Variants in QRICH1 observed in about 807,000 individuals in gnomAD.
The protein encoded by QRICH1 is glutamine rich 1, also known as transcriptional regulator QRICH1.
QRICH1 carries 16 observed loss-of-function variants against 87.1 expected under a neutral mutation model. The observed-to-expected ratio is 0.18, with a 90% confidence interval of 0.12 to 0.28. The LOEUF is 0.28. QRICH1 is among the 10% of genes least tolerant of loss of function. The probability of loss-of-function intolerance (pLI) is 1.00; values close to 1 mark genes in which losing one functional copy is unlikely to be tolerated. For missense variants in QRICH1, 647 were observed against 951.7 expected (o/e 0.68, Z 4.21); for synonymous variants, 367 against 368.4 (o/e 1.00, Z 0.05).
intron 2 of QRICH1, among the ~76,000 whole-genome samples, chr3:49,071,847 C>T (rs564040007): frequency 6.6e-6 from 1 of 152,166 alleles, no homozygotes; most frequent in African/African-American, 2.4e-5. Flanking sequence ...AGCAAGCCAC[C>T]ATACCCAGTT....
At position 49,046,452 on chromosome 3, in the gene QRICH1, G is replaced by C. The variant is rs1409845423; in HGVS notation, c.1644C>G (p.Leu548=). 2 of 1,613,958 alleles carry C rather than the reference G, an allele frequency of 1.2e-6. No individual in the cohort carries two copies. The highest frequency in any genetic ancestry group is 1.1e-5 in the South Asian group (1 of 91,036). The part of the protein sequence containing the change: ...GEGEPYDPDV[L]YYIFLCIQKY... Reference sequence around the variant, plus strand: ...TTTGAATACACAGGAAAATATAGTAGAGCACATCTGGGTCATAGGGTTCAC... The same window carrying C: ...TTTGAATACACAGGAAAATATAGTACAGCACATCTGGGTCATAGGGTTCAC... Residue 548 remains leucine, a synonymous_variant, in exon 5 of 10, where the codon CTC becomes CTG. Transcript: ENST00000395443.
intron 1 of QRICH1, among the ~76,000 whole-genome samples, chr3:49,082,342 T>G (rs2042078240): frequency 6.6e-6 from 1 of 152,216 alleles, no homozygotes; most frequent in Admixed American, 6.6e-5. Flanking sequence ...AGAACATATT[T>G]TTTGTCAATC....
chr3:49,090,491 G>T (rs1334336185), intron 1 of QRICH1, among the ~76,000 whole-genome samples: 1 of 150,636 alleles, frequency 6.6e-6, no homozygotes, highest in African/African-American at 2.4e-5. Context: ...AGCCCAGCGT[G>T]GTGGCGGGCA....
At chr3:49,077,161 A>G (rs1354868208) in intron 1 of QRICH1, 123 bp from the exon 2 acceptor site, 1 of 530,388 alleles carries the variant, frequency 1.9e-6, no homozygotes. Context: ...ATCAAAAAAT[A>G]AAGTTTTATT....
At chr3:49,047,479 G>GTTTTTTTTTTTTTTTTTTTTTTTTTTT (rs397724825) in intron 3 of QRICH1, among the ~76,000 whole-genome samples, 1 of 109,086 alleles carries the variant, frequency 9.2e-6, no homozygotes, top group Non-Finnish European at 1.9e-5. Flanking sequence ...ACTTTTAAAT[G>GTTTTTTTTTTTTTTTTTTTTTTTTTTT]TTTTTTTTTT....
intron 2 of QRICH1, among the ~76,000 whole-genome samples, chr3:49,063,841 T>C (rs1222250345): frequency 1.3e-5 from 2 of 152,188 alleles, no homozygotes; most frequent in African/African-American, 4.8e-5. Context: ...CAAAAGAACT[T>C]GTTTACATAG....
At chr3:49,081,283 G>T (rs1176084474) in intron 1 of QRICH1, among the ~76,000 whole-genome samples, 1 of 152,020 alleles carries the variant, frequency 6.6e-6, no homozygotes, top group African/African-American at 2.4e-5. Context: ...CGGGCATGAT[G>T]GCACATTCCT....
chr3:49,067,472 G>T (rs2093475117), intron 2 of QRICH1, among the ~76,000 whole-genome samples: 2 of 151,968 alleles, frequency 1.3e-5, no homozygotes, highest in South Asian at 4.1e-4. Context: ...GGAGGCTGAG[G>T]CAGGAGAATG....
At chr3:49,069,798 G>A (rs917853290) in intron 2 of QRICH1, among the ~76,000 whole-genome samples, 25 of 152,014 alleles carry the variant, frequency 1.6e-4, no homozygotes, top group African/African-American at 5.8e-4. Context: ...TTACTCAAAA[G>A]AGCAGTAACA....
intron 6 of QRICH1, among the ~76,000 whole-genome samples, chr3:49,037,185 G>C (rs557885099): frequency 6.6e-6 from 1 of 150,538 alleles, no homozygotes; most frequent in East Asian, 2.0e-4. Context: ...AATGGATTCA[G>C]ACATTATGGG....
chr3:49,052,424 G>C (rs1381659544), intron 3 of QRICH1, among the ~76,000 whole-genome samples: 1 of 152,208 alleles, frequency 6.6e-6, no homozygotes, highest in Non-Finnish European at 1.5e-5. Context: ...ATGGCCGAGA[G>C]ACTTATGTGT....
At chr3:49,030,666 G>T (rs547595002) in intron 9 of QRICH1, 22 bp from the exon 10 acceptor site, 1 of 1,524,398 alleles carries the variant, frequency 6.6e-7, no homozygotes, top group Admixed American at 2.0e-5. Context: ...GCGGATAAAA[G>T]TTGGGTACCA....
intron 4 of QRICH1, 87 bp downstream of exon 4, chr3:49,046,982 G>A: frequency 6.9e-7 from 1 of 1,457,288 alleles, no homozygotes; most frequent in Admixed American, 2.0e-5. Flanking sequence ...CAAGACAGGA[G>A]ACACCACTTT....
intron 1 of QRICH1, chr3:49,093,465 C>T (rs764006896): frequency 6.6e-6 from 1 of 152,086 alleles, no homozygotes; most frequent in African/African-American, 2.4e-5. Flanking sequence ...CAGCAGAAGC[C>T]TCCTGCGCGC....
intron 5 of QRICH1, among the ~76,000 whole-genome samples, chr3:49,045,902 TTTTC>T (rs2093336459): frequency 6.6e-6 from 1 of 151,090 alleles, no homozygotes; most frequent in African/African-American, 2.4e-5. Flanking sequence ...CTCTTATTTT[TTTTC>T]TTTTCTTTTC....
Position 49,057,486 on chromosome 3 carries a change from C to A in QRICH1, c.714G>T (p.Thr238=). 1 of 1,608,776 alleles carries A rather than the reference C, an allele frequency of 6.2e-7. No homozygotes were observed. The highest frequency in any genetic ancestry group is 8.5e-7 in the Non-Finnish European group (1 of 1,177,422). The change falls in exon 3 of 10, where the codon ACG becomes ACT. Residue 238 remains threonine, a synonymous_variant. Transcript: ENST00000395443. This position sits in a 1 kb window ranked among gnomAD's most constrained non-coding sequence, Gnocchi z 5.4. ...TCTTCACTGGTTGGAGGACACTGGC[C>A]GTGCCAACCCGCCGCTCCCCTTCCC... ...SPREGERRVG[T]ASVLQPVKKR...
intron 3 of QRICH1, among the ~76,000 whole-genome samples, chr3:49,048,130 CTTTTT>C (rs34861445): frequency 2.1e-5 from 3 of 142,106 alleles, no homozygotes; most frequent in Non-Finnish European, 3.1e-5. Flanking sequence ...TTCTTTCTTT[CTTTTT>C]TTTTTTTTTG....
Position 49,057,685 on chromosome 3 carries a change from T to C in QRICH1, c.515A>G (p.Gln172Arg). Residue 172 changes from glutamine (Q) to arginine (R), a missense_variant, in exon 3 of 10, where the codon CAG becomes CGG. Transcript: ENST00000395443. The surrounding 1 kb of genome is among the most constrained non-coding windows in gnomAD (Gnocchi z 5.4). ...SQLQAAQIQV[Q>R]HVQAAQQIQA... is the part of the protein sequence containing the mutation. ...GATCTGCTGGGCTGCTTGCACGTGC[T>C]GCACCTGGATCTGAGCTGCTTGCAG... 6.2e-7 allele frequency: 1 copy of C among 1,614,208 alleles called. No individual in the cohort carries two copies. Among genetic ancestry groups the C allele is most frequent in the Non-Finnish European group, 8.5e-7 (1 of 1,180,026 alleles).
intron 1 of QRICH1, among the ~76,000 whole-genome samples, chr3:49,085,248 A>G (rs1360236914): frequency 2.0e-5 from 3 of 151,732 alleles, no homozygotes; most frequent in African/African-American, 4.8e-5. Context: ...AATCTGAAAG[A>G]AACTAAACCG....
Sources: gnomAD v4.1 joint callset for allele counts (sites outside exome capture counted in the v4.1 genomes callset) on GRCh38, gnomAD v4.1.1 for gene constraint, Gnocchi (gnomAD v3.1) non-coding constraint, MANE v1.5 for transcripts, NCBI Gene and HGNC (gene_info 2026-07-23, HGNC 2026-07-21) for gene names.